ALG5: variants seen among roughly 807,000 people sequenced by gnomAD.
ALG5 encodes dolichyl-phosphate beta-glucosyltransferase.
A neutral mutation model predicts 51.8 loss-of-function variants in ALG5; 26 were observed. That is an observed-to-expected ratio of 0.50 (90% confidence interval 0.37 to 0.70). The LOEUF is 0.70. Ranked by LOEUF, ALG5 falls within the 30% of genes least tolerant of loss-of-function variation. The pLI is 0.00. For synonymous variants in ALG5, 141 were observed against 136.1 expected (o/e 1.04, Z -0.25); for missense variants, 311 against 399.3 (o/e 0.78, Z 1.88).
chr13:36,960,988 A>G (rs565399941), intron 8 of ALG5, among the ~76,000 whole-genome samples: 1 of 152,136 alleles, frequency 6.6e-6, no homozygotes, highest in Non-Finnish European at 1.5e-5. Flanking sequence ...TAGGTGAAGT[A>G]CAGCTCTGAA....
Position 36,985,840 on chromosome 13 carries a change from A to G in ALG5, c.448-100T>C, listed in dbSNP as rs2058999635. On this transcript the variant is annotated intron_variant, in intron 5 of 9. Transcript: ENST00000239891. ...TACTTAAAATACCTAAGAGTGAAAG[A>G]TGAGGTATGAGATGGCTGAAGGAGG... 42 of 704,878 alleles carry G rather than the reference A, an allele frequency of 6.0e-5. 1 individual carries two copies. In the South Asian group the frequency reaches 8.7e-4, roughly 15 times the overall value. 43.7% of individuals were successfully genotyped at this position (704,878 alleles called of 1,614,324 possible).
At chr13:36,991,148 G>C (rs753803154) in intron 4 of ALG5, among the ~76,000 whole-genome samples, 1 of 152,106 alleles carries the variant, frequency 6.6e-6, no homozygotes, top group Non-Finnish European at 1.5e-5. Flanking sequence ...CAGTATTTGA[G>C]ATTTCCAGAC....
chr13:36,984,673 C>T lies in ALG5; in HGVS notation c.561+954G>A, dbSNP rs563151160. Among the ~76,000 whole-genome samples the T allele has an allele frequency of 2.6e-5, 4 of 152,152 alleles. No individual in the cohort carries two copies. The East Asian group carries it at 7.8e-4, about 30-fold the overall frequency. On this transcript the variant is annotated intron_variant, in intron 6 of 9. Coordinates refer to ENST00000239891, the MANE Select transcript of ALG5 (RefSeq NM_013338.5). Reference sequence around the variant, plus strand: ...GTAAATGAACATTCTCCTTGATGTACCTGTATCTCTTCCCCCTCTAAACTA... The same window carrying T: ...GTAAATGAACATTCTCCTTGATGTATCTGTATCTCTTCCCCCTCTAAACTA...
At chr13:36,990,397 C>T (rs368367388) in intron 4 of ALG5, among the ~76,000 whole-genome samples, 1 of 152,208 alleles carries the variant, frequency 6.6e-6, no homozygotes, top group South Asian at 2.1e-4. Context: ...TCTCATCTGG[C>T]CTTTGCCCTC....
rs879229219 is a variant in ALG5 at position 36,952,424 on chromosome 13, G to A, written c.859+90C>T. 16 of 872,606 alleles carry A rather than the reference G, an allele frequency of 1.8e-5. No homozygotes were observed. The South Asian group carries it at 2.4e-4, about 13-fold the overall frequency. The allele number at this position is 872,606 out of a possible 1,614,324, so 54.1% of individuals were successfully genotyped here. On this transcript the variant is annotated intron_variant, in intron 9 of 9. Transcript: ENST00000239891. ...AGACAGCTGAGAAGGGCTTGATGAG[G>A]GGAGCAAGGAGAACATTAAAGCCAG...
chr13:36,999,188 GA>G (rs1348973320), intron 1 of ALG5, 46 bp downstream of exon 1: 2 of 1,505,140 alleles, frequency 1.3e-6, no homozygotes, highest in African/African-American at 2.9e-5. Flanking sequence ...CAGTCTCCAG[GA>G]GAGCGGTAAG....
At chr13:36,986,725 G>C (rs2059003581) in intron 5 of ALG5, among the ~76,000 whole-genome samples, 1 of 152,082 alleles carries the variant, frequency 6.6e-6, no homozygotes, top group Admixed American at 6.6e-5. Flanking sequence ...AGGAGTTTGA[G>C]ACCAGTCTGG....
At chr13:36,990,178 C>T (rs547277456) in intron 4 of ALG5, among the ~76,000 whole-genome samples, 1 of 152,330 alleles carries the variant, frequency 6.6e-6, no homozygotes, top group East Asian at 1.9e-4. Flanking sequence ...TCACTATTTT[C>T]TCAAGCTACG....
At chr13:36,972,224 C>A (rs573739309) in intron 6 of ALG5, among the ~76,000 whole-genome samples, 188 bp from the exon 7 acceptor site, 12 of 152,144 alleles carry the variant, frequency 7.9e-5, no homozygotes, top group African/African-American at 2.9e-4. Context: ...TAAGAGGACA[C>A]TAAATTTTGC....
chr13:36,993,838 G>C (rs113407101), intron 3 of ALG5, among the ~76,000 whole-genome samples, 166 bp from the exon 4 acceptor site: 2 of 132,120 alleles, frequency 1.5e-5, no homozygotes, highest in East Asian at 3.9e-4. Flanking sequence ...TAAGTAAAAA[G>C]AGAGAGAGAG....
At chr13:36,956,242 T>A (rs1459381311) in intron 8 of ALG5, among the ~76,000 whole-genome samples, 1 of 152,078 alleles carries the variant, frequency 6.6e-6, no homozygotes, top group African/African-American at 2.4e-5. Context: ...AAGAGATATA[T>A]GAAAAAATGC....
chr13:36,952,550 T>C lies in ALG5; in HGVS notation c.823A>G (p.Ile275Val), dbSNP rs765713353. 14 of 1,600,512 alleles carry C rather than the reference T, an allele frequency of 8.7e-6. 1 individual carries two copies. In the East Asian group the frequency reaches 1.4e-4, roughly 16 times the overall value. Reference sequence around the variant, plus strand: ...GTCCAGTTGACAGCAATTTCTGCTATTGGAATTTTAAAGAACTGTGCTATG... The same window carrying C: ...GTCCAGTTGACAGCAATTTCTGCTACTGGAATTTTAAAGAACTGTGCTATG... ...LYIAQFFKIPIAEIAVNWTEI... is the reference protein window; with the variant it reads ...LYIAQFFKIPVAEIAVNWTEI... Residue 275 changes from isoleucine to valine, a missense_variant, in exon 9 of 10, where the codon ATA becomes GTA. By Grantham distance (29) the Ile-to-Val change is conservative. Coordinates refer to ENST00000239891, the MANE Select transcript of ALG5 (RefSeq NM_013338.5).
intron 5 of ALG5, among the ~76,000 whole-genome samples, chr13:36,988,048 C>T (rs1284376706): frequency 6.6e-6 from 1 of 152,104 alleles, no homozygotes; most frequent in African/African-American, 2.4e-5. Context: ...TTCATGTTCC[C>T]CGTCTAGGCT....
At chr13:36,965,856 T>C (rs2058890803) in intron 7 of ALG5, 130 bp from the exon 8 acceptor site, 3 of 707,896 alleles carry the variant, frequency 4.2e-6, no homozygotes, top group Non-Finnish European at 6.7e-6. Flanking sequence ...AACACCACTG[T>C]TCCATGAGCT....
At chr13:36,993,174 T>G (rs2059033065) in intron 4 of ALG5, among the ~76,000 whole-genome samples, 1 of 152,208 alleles carries the variant, frequency 6.6e-6, no homozygotes, top group African/African-American at 2.4e-5. Flanking sequence ...CACTTACCCT[T>G]CCTAAGCCAG....
chr13:36,989,509 C>G lies in ALG5; in HGVS notation c.422G>C (p.Arg141Pro). 2 of 1,612,480 alleles carry G rather than the reference C, an allele frequency of 1.2e-6. No individual in the cohort carries two copies. Among genetic ancestry groups the G allele is most frequent in the Non-Finnish European group, 1.7e-6 (2 of 1,179,070 alleles). The change falls in exon 5 of 10, where the codon CGT becomes CCT. Residue 141 changes from arginine (R) to proline (P), a missense_variant. Coordinates refer to ENST00000239891, the MANE Select transcript of ALG5 (RefSeq NM_013338.5). ...KVRVITLVKN[R>P]GKGGAIRMGI... ...CATTCTAATCGCTCCACCTTTTCCA[C>G]GATTCTTCACCAGGGTTATCACACG... is the stretch of plus-strand genomic sequence containing the variant.
intron 8 of ALG5, among the ~76,000 whole-genome samples, chr13:36,963,089 C>T (rs572057928): frequency 6.8e-4 from 104 of 152,112 alleles, no homozygotes; most frequent in African/African-American, 2.3e-3. Context: ...GGACTACAGG[C>T]GTGCACACCA....
chr13:36,972,931 G>C (rs1416394643), intron 6 of ALG5, among the ~76,000 whole-genome samples: 1 of 146,870 alleles, frequency 6.8e-6, no homozygotes, highest in Non-Finnish European at 1.5e-5. Flanking sequence ...GGCAGAGCTT[G>C]CAGTGAGCCG....
At chr13:36,960,635 C>T (rs2058861718) in intron 8 of ALG5, among the ~76,000 whole-genome samples, 1 of 151,858 alleles carries the variant, frequency 6.6e-6, no homozygotes, top group Non-Finnish European at 1.5e-5. Context: ...GCCTCAGCCT[C>T]CTGAGTAGGT....
Sources: gnomAD v4.1 joint callset for allele counts (sites outside exome capture counted in the v4.1 genomes callset) on GRCh38, gnomAD v4.1.1 for gene constraint, MANE v1.5 for transcripts, NCBI Gene and HGNC (gene_info 2026-07-23, HGNC 2026-07-21) for gene names.